TCERG1L: variants seen among roughly 807,000 people sequenced by gnomAD.
TCERG1L encodes transcription elongation regulator 1 like.
TCERG1L carries 37 observed loss-of-function variants against 56.3 expected under a neutral mutation model. That is an observed-to-expected ratio of 0.66 (90% CI 0.51 to 0.87). The LOEUF (loss-of-function observed/expected upper bound fraction) is 0.87, where lower values mean the gene tolerates loss of function less well. Among genes scored for constraint, TCERG1L ranks in the 40% least tolerant of loss-of-function variants. The pLI is 0.00. For synonymous variants in TCERG1L, 324 were observed against 326.3 expected, an observed-to-expected ratio of 0.99 and a Z score of 0.08; for missense variants, 799 against 774.2, an observed-to-expected ratio of 1.03 and a Z score of -0.38.
chr10:131,262,632 T>C (rs1026762951), intron 3 of TCERG1L, among the ~76,000 whole-genome samples: 6 of 152,202 alleles, frequency 3.9e-5, no homozygotes, highest in East Asian at 3.9e-4. Flanking sequence ...TTACAGTTCA[T>C]GAGCTGACAA....
At chr10:131,235,809 G>A (rs1589757222) in intron 4 of TCERG1L, among the ~76,000 whole-genome samples, 1 of 152,212 alleles carries the variant, frequency 6.6e-6, no homozygotes, top group Non-Finnish European at 1.5e-5. Context: ...GGGGCTGGTG[G>A]TGGCCAATGA....
intron 8 of TCERG1L, among the ~76,000 whole-genome samples, chr10:131,122,040 C>T (rs952892636): frequency 1.1e-4 from 17 of 152,284 alleles, no homozygotes; most frequent in South Asian, 2.1e-4. Context: ...AACAAGTGAC[C>T]GCACCGTGCC....
intron 6 of TCERG1L, chr10:131,162,019 G>C (rs1002413779): frequency 6.6e-6 from 1 of 152,248 alleles, no homozygotes; most frequent in Non-Finnish European, 1.5e-5. Context: ...GTGGAGAGGA[G>C]GTCATGGGAA....
At chr10:131,195,294 T>C (rs1050639257) in intron 4 of TCERG1L, among the ~76,000 whole-genome samples, 1 of 152,122 alleles carries the variant, frequency 6.6e-6, no homozygotes, top group African/African-American at 2.4e-5. Flanking sequence ...TGTCTTCCTT[T>C]TGCACCTGTG....
chr10:131,110,411 G>T (rs951775992), intron 9 of TCERG1L, among the ~76,000 whole-genome samples: 1 of 152,108 alleles, frequency 6.6e-6, no homozygotes, highest in Non-Finnish European at 1.5e-5. Context: ...GTCTCACCCC[G>T]GCTCCCTCCC....
At chr10:131,266,679 A>G (rs954400997) in intron 3 of TCERG1L, among the ~76,000 whole-genome samples, 11 of 152,086 alleles carry the variant, frequency 7.2e-5, no homozygotes, top group Non-Finnish European at 1.6e-4. Context: ...CAGGCAGGTC[A>G]TCCTGATGAG....
chr10:131,281,682 C>G lies in TCERG1L; in HGVS notation c.671-21238G>C, dbSNP rs188352346. On this transcript the variant is annotated intron_variant, in intron 3 of 11. Coordinates refer to ENST00000368642, the MANE Select transcript of TCERG1L (RefSeq NM_174937.4). ...TCCACAGTCCCCCTGGCTACTCTCC[C>G]GACGCTCCGTCCTAAAGTCCCTATT... is the stretch of plus-strand genomic sequence containing the variant. 2.2e-3 allele frequency among the ~76,000 whole-genome samples: 332 copies of G among 151,870 alleles called. 1 individual carries two copies. Among genetic ancestry groups the G allele is most frequent in the African/African-American group, 7.2e-3 (298 of 41,358 alleles).
intron 3 of TCERG1L, among the ~76,000 whole-genome samples, chr10:131,272,067 C>A (rs540645646): frequency 8.5e-5 from 13 of 152,316 alleles, no homozygotes; most frequent in Admixed American, 7.2e-4. Context: ...CCACAGCAGG[C>A]ACACGGGGCT....
chr10:131,144,739 A>G (rs750270925), intron 7 of TCERG1L, among the ~76,000 whole-genome samples: 8 of 152,250 alleles, frequency 5.3e-5, no homozygotes, highest in Non-Finnish European at 1.2e-4. Context: ...ACAAAATACC[A>G]TATCATGCTA....
At chr10:131,250,309 C>T (rs1023185678) in intron 4 of TCERG1L, among the ~76,000 whole-genome samples, 5 of 143,138 alleles carry the variant, frequency 3.5e-5, no homozygotes, top group African/African-American at 1.1e-4. Flanking sequence ...CTCACAGACG[C>T]AGGCTAATCT....
At chr10:131,093,573 C>T (rs955116409) in intron 11 of TCERG1L, among the ~76,000 whole-genome samples, 1 of 152,180 alleles carries the variant, frequency 6.6e-6, no homozygotes, top group Non-Finnish European at 1.5e-5. Flanking sequence ...ATGAGCGGCC[C>T]CCACCAGCCT....
At chr10:131,244,417 A>T (rs1169027149) in intron 4 of TCERG1L, among the ~76,000 whole-genome samples, 2 of 151,996 alleles carry the variant, frequency 1.3e-5, no homozygotes, top group African/African-American at 4.8e-5. Context: ...GCCCTGGGAG[A>T]GTGGAGCATG....
At chr10:131,165,937 AG>A (rs1484043959) in intron 5 of TCERG1L, among the ~76,000 whole-genome samples, 1 of 152,264 alleles carries the variant, frequency 6.6e-6, no homozygotes, top group African/African-American at 2.4e-5. Flanking sequence ...TTAAGGCACT[AG>A]AAAGGCTATC....
chr10:131,210,046 T>G (rs1346980598), intron 4 of TCERG1L, among the ~76,000 whole-genome samples: 1 of 152,170 alleles, frequency 6.6e-6, no homozygotes, highest in Non-Finnish European at 1.5e-5. Flanking sequence ...AAAATGAATG[T>G]TTTTTGCAAT....
intron 4 of TCERG1L, among the ~76,000 whole-genome samples, chr10:131,202,595 A>G (rs10829944): frequency 0.54 from 81,649 of 151,926 alleles, 22,125 homozygotes; most frequent in East Asian, 0.62. Context: ...AAAAAATAAA[A>G]ATAAAAAACA....
intron 4 of TCERG1L, among the ~76,000 whole-genome samples, chr10:131,187,672 T>C (rs1003682642): frequency 2.6e-5 from 4 of 152,174 alleles, no homozygotes; most frequent in Non-Finnish European, 5.9e-5. Context: ...CCTCGGGTCT[T>C]GAGTTCTGAC....
chr10:131,148,924 A>G (rs1189811246), intron 6 of TCERG1L, among the ~76,000 whole-genome samples: 1 of 152,230 alleles, frequency 6.6e-6, no homozygotes, highest in Non-Finnish European at 1.5e-5. Context: ...CCTGAGCACC[A>G]GCATCTGGGA....
rs758709491 is a variant in TCERG1L at position 131,093,224 on chromosome 10, A to G, written c.1699T>C (p.Phe567Leu). The G allele has an allele frequency of 3.5e-5, 57 of 1,613,876 alleles. No individual in the cohort carries two copies. The highest frequency in any genetic ancestry group is 4.8e-5 in the Non-Finnish European group (57 of 1,179,870). ...RKDQEHFFNQ[F>L]ILILKKRDKE... ...TCCCGTTTCTTAAGAATAAGTATGAATTGGTTGAAAAAATGCTCCTGGTCC... is the reference window on the plus strand; with the variant it reads ...TCCCGTTTCTTAAGAATAAGTATGAGTTGGTTGAAAAAATGCTCCTGGTCC... Residue 567 changes from phenylalanine (F) to leucine (L), a missense_variant, in exon 12 of 12, where the codon TTC becomes CTC. Physicochemically the swap from Phe to Leu is conservative, Grantham distance 22 (BLOSUM62 0). Coordinates refer to ENST00000368642, the MANE Select transcript of TCERG1L (RefSeq NM_174937.4).
chr10:131,176,285 C>G (rs564485203), intron 4 of TCERG1L, among the ~76,000 whole-genome samples: 1 of 151,910 alleles, frequency 6.6e-6, no homozygotes, highest in East Asian at 1.9e-4. Flanking sequence ...TGTACACACA[C>G]CAAGAAACAT....
Sources: gnomAD v4.1 joint callset for allele counts (sites outside exome capture counted in the v4.1 genomes callset) on GRCh38, gnomAD v4.1.1 for gene constraint, MANE v1.5 for transcripts, NCBI Gene and HGNC (gene_info 2026-07-23, HGNC 2026-07-21) for gene names.